Variants in MYO9B observed in about 807,000 individuals in gnomAD.
MYO9B encodes unconventional myosin-IXb.
Under a neutral mutation model 229.5 loss-of-function variants are expected in MYO9B, and 71 were observed. The observed-to-expected ratio is 0.31, with a 90% CI of 0.26 to 0.38. The LOEUF is 0.38. Among genes scored for constraint, MYO9B ranks in the 10% least tolerant of loss-of-function variants. MYO9B has a pLI of 1.00. For synonymous variants in MYO9B, 1,185 were observed against 1,235.8 expected, an observed-to-expected ratio of 0.96 and a Z score of 0.86; for missense variants, 2,255 against 2,920.5, an observed-to-expected ratio of 0.77 and a Z score of 5.25.
In MYO9B at chr19:17,154,465, C is replaced by T. The variant is rs377467023; in HGVS notation, c.1199+50C>T. ...TGTCCCCCAGAGCCTACAGGGGGCACGCATGGCCCTTACCAGTCACTCTGA... is the reference window on the plus strand; with the variant it reads ...TGTCCCCCAGAGCCTACAGGGGGCATGCATGGCCCTTACCAGTCACTCTGA... On this transcript the variant is annotated intron_variant, in intron 6 of 39. Coordinates refer to ENST00000682292, the MANE Select transcript of MYO9B (RefSeq NM_004145.4). The T allele has an allele frequency of 1.8e-5, 26 of 1,407,542 alleles. No homozygotes were observed. The Middle Eastern group carries it at 6.8e-4, about 37-fold the overall frequency. 87.2% of individuals were successfully genotyped at this position (1,407,542 alleles called of 1,614,324 possible). A position where few individuals can be genotyped will look rare whatever the true frequency, so the allele number is the denominator to read the frequency against.
At chr19:17,098,456 G>A (rs1286117735) in intron 1 of MYO9B, among the ~76,000 whole-genome samples, 3 of 152,046 alleles carry the variant, frequency 2.0e-5, no homozygotes, top group Non-Finnish European at 2.9e-5. Flanking sequence ...CTGGATTCAC[G>A]TCTACACTCA....
intron 14 of MYO9B, among the ~76,000 whole-genome samples, 171 bp downstream of exon 14, chr19:17,175,912 A>C (rs1010549703): frequency 6.9e-6 from 1 of 144,622 alleles, no homozygotes. Flanking sequence ...GGCTCACCCC[A>C]ACTTCCACCT....
At chr19:17,140,195 TGC>T (rs1315424598) in intron 2 of MYO9B, among the ~76,000 whole-genome samples, 1 of 152,184 alleles carries the variant, frequency 6.6e-6, no homozygotes, top group Non-Finnish European at 1.5e-5. Context: ...GTCATTGCTG[TGC>T]AGTGCATGAC....
chr19:17,155,301 A>C (rs2072524736), intron 6 of MYO9B, among the ~76,000 whole-genome samples: 1 of 151,264 alleles, frequency 6.6e-6, no homozygotes, highest in Non-Finnish European at 1.5e-5. Flanking sequence ...TGATCCTCCC[A>C]CCTCAGCCTC....
intron 2 of MYO9B, among the ~76,000 whole-genome samples, chr19:17,126,984 G>A (rs9797507): frequency 0.18 from 20,937 of 117,764 alleles, 2,013 homozygotes; most frequent in East Asian, 0.3. Context: ...ACACCCACCC[G>A]ATCTTTTGAC....
Position 17,206,789 on chromosome 19 carries a change from G to A in MYO9B, c.5492+5G>A. ...ACTCATCTTCCACCTTGTCAAGCAA[G>A]TGCCTCCCCACCTGCCCTCTGTGGG... On this transcript the variant is annotated splice_donor_5th_base_variant and intron_variant, in intron 34 of 39. Transcript: ENST00000682292. 6.4e-7 allele frequency: 1 copy of A among 1,572,440 alleles called. No individual in the cohort carries two copies. Among genetic ancestry groups the A allele is most frequent in the Non-Finnish European group, 8.6e-7 (1 of 1,157,574 alleles).
At chr19:17,211,498 C>T (rs1047442160) in intron 38 of MYO9B, 149 bp from the exon 39 acceptor site, 3 of 781,378 alleles carry the variant, frequency 3.8e-6, no homozygotes, top group Admixed American at 3.1e-5. Flanking sequence ...TGGGTTCAAA[C>T]TCCTGGGCTC....
intron 2 of MYO9B, among the ~76,000 whole-genome samples, chr19:17,118,545 G>A (rs2057929891): frequency 6.6e-6 from 1 of 151,678 alleles, no homozygotes; most frequent in Non-Finnish European, 1.5e-5. Context: ...GTAGTGGTGC[G>A]ATCTTGGCTC....
In MYO9B at chr19:17,211,929, G is replaced by GCC. The variant is rs1568306128; in HGVS notation, c.6095_6096dup (p.Thr2033ProfsTer21). 41 of 1,552,052 alleles carry GCC rather than the reference G, an allele frequency of 2.6e-5. No individual in the cohort carries two copies. The highest frequency in any genetic ancestry group is 3.8e-5 in the Admixed American group (2 of 52,952). ...CGCCTGCTCTCCCTTGCCCCGGCGC[G>GCC]CCCACCCCGAGCCCCCTCCCCACCG... On this transcript the variant is annotated frameshift_variant, in exon 40 of 40. Coordinates refer to ENST00000682292, the MANE Select transcript of MYO9B (RefSeq NM_004145.4). LOFTEE classifies it low-confidence loss of function (END_TRUNC).
At chr19:17,093,431 C>T (rs2057657436) in intron 1 of MYO9B, among the ~76,000 whole-genome samples, 3 of 152,174 alleles carry the variant, frequency 2.0e-5, no homozygotes, top group African/African-American at 7.2e-5. Context: ...TTCCTTGGCC[C>T]TGTGGAGCTG....
chr19:17,200,431 G>GT lies in MYO9B; in HGVS notation c.4372+6dup. ...CCATGAAGAAGGGCCTGGAAGGTTG[G>GT]TAGCCTGCAGCCTCAGGGACAGACA... On this transcript the variant is annotated splice_donor_region_variant and intron_variant, in intron 25 of 39. Coordinates refer to ENST00000682292, the MANE Select transcript of MYO9B (RefSeq NM_004145.4). 1.3e-6 allele frequency: 2 copies of GT among 1,567,612 alleles called. No individual in the cohort carries two copies. Among genetic ancestry groups the GT allele is most frequent in the Non-Finnish European group, 1.7e-6 (2 of 1,156,206 alleles).
chr19:17,092,189 T>C (rs930430943), intron 1 of MYO9B, among the ~76,000 whole-genome samples: 2 of 152,188 alleles, frequency 1.3e-5, no homozygotes, highest in Non-Finnish European at 2.9e-5. Flanking sequence ...CTCTCTGCTG[T>C]GAAGGAGGAA....
intron 2 of MYO9B, among the ~76,000 whole-genome samples, chr19:17,136,650 A>G (rs1191337610): frequency 6.6e-6 from 1 of 152,098 alleles, no homozygotes; most frequent in Non-Finnish European, 1.5e-5. Flanking sequence ...TGTAGTGCAC[A>G]GGACGCCCCC....
At chr19:17,205,395 C>A in intron 31 of MYO9B, 59 bp downstream of exon 31, 1 of 1,534,514 alleles carries the variant, frequency 6.5e-7, no homozygotes, top group Non-Finnish European at 9.0e-7. Flanking sequence ...CCAGGTGCAC[C>A]AGGAGGTGGT....
chr19:17,128,519 A>C (rs2072152989), intron 2 of MYO9B, among the ~76,000 whole-genome samples: 1 of 152,052 alleles, frequency 6.6e-6, no homozygotes, highest in Non-Finnish European at 1.5e-5. Flanking sequence ...GCAGAGCAGA[A>C]CCCCCCGGTC....
chr19:17,136,760 C>G (rs539333792), intron 2 of MYO9B, among the ~76,000 whole-genome samples: 4 of 152,206 alleles, frequency 2.6e-5, no homozygotes, highest in African/African-American at 7.2e-5. Flanking sequence ...CGACCAGCCC[C>G]CTGGGTTTCA....
intron 35 of MYO9B, among the ~76,000 whole-genome samples, 162 bp from the exon 36 acceptor site, chr19:17,209,424 C>T (rs933429464): frequency 3.3e-5 from 5 of 152,292 alleles, no homozygotes; most frequent in Admixed American, 6.5e-5. Flanking sequence ...AGTGAGCTGC[C>T]GAAGGTCACA....
intron 30 of MYO9B, among the ~76,000 whole-genome samples, chr19:17,203,609 T>C (rs1382621280): frequency 1.9e-5 from 2 of 102,610 alleles, no homozygotes; most frequent in African/African-American, 9.1e-5. Flanking sequence ...CAAGACTCTG[T>C]CTCAAAAAAA....
chr19:17,140,342 T>TC (rs1417263668), intron 2 of MYO9B, among the ~76,000 whole-genome samples: 1 of 152,136 alleles, frequency 6.6e-6, no homozygotes, highest in Non-Finnish European at 1.5e-5. Flanking sequence ...TGGTGTTTTT[T>TC]CCCATGTCCT....
Sources: gnomAD v4.1 joint callset for allele counts (sites outside exome capture counted in the v4.1 genomes callset) on GRCh38, gnomAD v4.1.1 for gene constraint, MANE v1.5 for transcripts, NCBI Gene and HGNC (gene_info 2026-07-23, HGNC 2026-07-21) for gene names.